Variants in NAV3 observed in about 807,000 individuals in gnomAD.
NAV3 encodes pore membrane and/or filament interacting like protein 1.
Under a neutral mutation model 244.7 loss-of-function variants are expected in NAV3, and 87 were observed. The observed-to-expected ratio is 0.36, with a 90% CI of 0.30 to 0.42. The LOEUF is 0.42. Among genes scored for constraint, NAV3 ranks in the 20% least tolerant of loss-of-function variants. The pLI, the probability that NAV3 is intolerant of heterozygous loss-of-function variation, is 1.00. For synonymous variants in NAV3, 1,126 were observed against 1,042.2 expected, an observed-to-expected ratio of 1.08 and a Z score of -1.55; for missense variants, 2,663 against 2,893.3, an observed-to-expected ratio of 0.92 and a Z score of 1.83.
chr12:77,807,141 T>A (rs879220685), intron 2 of NAV3, among the ~76,000 whole-genome samples: 1 of 152,246 alleles, frequency 6.6e-6, no homozygotes, highest in Admixed American at 6.5e-5. Context: ...TTTGCCAGTC[T>A]GTGTCTGTTA....
At position 78,176,711 on chromosome 12, in the gene NAV3, A is replaced by G. The variant is rs946871940; in HGVS notation, c.5124+252A>G. 4.1e-4 allele frequency among the ~76,000 whole-genome samples: 63 copies of G among 152,118 alleles called. 1 individual carries two copies. The highest frequency in any genetic ancestry group is 1.6e-4 in the Non-Finnish European group (11 of 68,012). On this transcript the variant is annotated intron_variant, in intron 26 of 39. Transcript: ENST00000397909. The stretch of plus-strand genomic sequence containing the variant: ...TGGAAAATTTGAATAGAAAAATCAC[A>G]ATTAATGAAGTGTTAGGTGAATTTG...
intron 24 of NAV3, among the ~76,000 whole-genome samples, chr12:78,174,115 G>A (rs929455572): frequency 5.3e-5 from 8 of 151,636 alleles, no homozygotes; most frequent in African/African-American, 1.9e-4. Flanking sequence ...CTGCCTTGAT[G>A]CCAATAAGTA....
Position 77,834,672 on chromosome 12 carries a change from G to T in NAV3, c.243+2968G>T, listed in dbSNP as rs1017899344. ...CACTGTTTTCAATATAATTTTGGTT[G>T]ATCTCTTTGGTTAGCAAACATATTA... On this transcript the variant is annotated intron_variant, in intron 1 of 39. Transcript: ENST00000397909. 3.3e-5 allele frequency among the ~76,000 whole-genome samples: 5 copies of T among 152,254 alleles called. No individual in the cohort carries two copies. The East Asian group carries it at 9.7e-4, about 29-fold the overall frequency.
chr12:77,667,096 A>T (rs917702982), intron 2 of NAV3, among the ~76,000 whole-genome samples: 1 of 152,162 alleles, frequency 6.6e-6, no homozygotes, highest in Non-Finnish European at 1.5e-5. Flanking sequence ...GAATGCAAAA[A>T]CTTTTGCAGG....
chr12:77,798,480 T>A (rs560169421), intron 2 of NAV3, among the ~76,000 whole-genome samples: 1 of 152,282 alleles, frequency 6.6e-6, no homozygotes, highest in East Asian at 1.9e-4. Flanking sequence ...GAAGAGTATT[T>A]GATTTAATAG....
rs560350602 is a variant in NAV3 at position 77,851,015 on chromosome 12, A to C, written c.243+19311A>C. On this transcript the variant is annotated intron_variant, in intron 1 of 39. Transcript: ENST00000397909. ...GGGACACATAAGAACTTTTGGATTC[A>C]TAGACATCGGATACGCTGTCTCAAG... 1.4e-4 allele frequency among the ~76,000 whole-genome samples: 21 copies of C among 152,330 alleles called. No homozygotes were observed. In the South Asian group the frequency reaches 4.3e-3, roughly 32 times the overall value.
chr12:78,019,483 G>A (rs1406312914), intron 8 of NAV3, among the ~76,000 whole-genome samples: 1 of 152,108 alleles, frequency 6.6e-6, no homozygotes, highest in African/African-American at 2.4e-5. Flanking sequence ...CATATCACAA[G>A]AGTATGAAGT....
chr12:77,949,542 CT>C (rs776143694), intron 3 of NAV3, among the ~76,000 whole-genome samples: 3 of 151,840 alleles, frequency 2.0e-5, no homozygotes, highest in East Asian at 1.9e-4. Flanking sequence ...TTAAAAACTA[CT>C]TTTTTTATAG....
At position 77,824,658 on chromosome 12, in the gene NAV3, C is replaced by T. The variant is rs142015606; in HGVS notation, c.73-115661C>T. Reference sequence around the variant, plus strand: ...CTGTAATCCCAGCACTTTGGGAGGCCGAGGAAGGTGGATTACCTGAAGTCA... The same window carrying T: ...CTGTAATCCCAGCACTTTGGGAGGCTGAGGAAGGTGGATTACCTGAAGTCA... On this transcript the variant is annotated intron_variant, in intron 2 of 8. Coordinates refer to the NAV3 transcript ENST00000550042. 4.7e-3 allele frequency among the ~76,000 whole-genome samples: 708 copies of T among 151,866 alleles called. 4 individuals are homozygous for T. Among genetic ancestry groups the T allele is most frequent in the African/African-American group, 0.016 (683 of 41,410 alleles).
At position 77,623,822 on chromosome 12, in the gene NAV3, T is replaced by C. The variant is rs538817360; in HGVS notation, c.72+51556T>C. On this transcript the variant is annotated intron_variant, in intron 2 of 8. Coordinates refer to the NAV3 transcript ENST00000550042. ...GGAGAATTATAGATGAAAGAATCTGTAAAAAACTGCAGAGCATGAATTTAA... is the reference window on the plus strand; with the variant it reads ...GGAGAATTATAGATGAAAGAATCTGCAAAAAACTGCAGAGCATGAATTTAA... Among the ~76,000 whole-genome samples the C allele has an allele frequency of 1.6e-3, 247 of 152,272 alleles. 2 individuals carry two copies. The highest frequency in any genetic ancestry group is 5.6e-3 in the African/African-American group (232 of 41,544).
intron 24 of NAV3, among the ~76,000 whole-genome samples, chr12:78,172,769 A>G (rs1958057858): frequency 6.6e-6 from 1 of 151,636 alleles, no homozygotes; most frequent in Admixed American, 6.6e-5. Flanking sequence ...AATAAGAAGA[A>G]CACGGTTGAT....
At chr12:78,068,988 T>A (rs953249122) in intron 12 of NAV3, among the ~76,000 whole-genome samples, 28 of 151,726 alleles carry the variant, frequency 1.8e-4, no homozygotes, top group Non-Finnish European at 2.8e-4. Flanking sequence ...TTTTTTTTTT[T>A]AATAGGCTAA....
chr12:77,911,490 A>G (rs1886583317), intron 1 of NAV3, among the ~76,000 whole-genome samples: 1 of 152,138 alleles, frequency 6.6e-6, no homozygotes, highest in Non-Finnish European at 1.5e-5. Flanking sequence ...ATTTTGGTTT[A>G]TTGTCAATGC....
intron 1 of NAV3, among the ~76,000 whole-genome samples, chr12:77,855,603 T>C (rs1194239999): frequency 2.0e-5 from 3 of 152,218 alleles, no homozygotes; most frequent in Non-Finnish European, 4.4e-5. Context: ...GGAATTTACT[T>C]TGAGCAATAG....
At chr12:77,983,549 G>A (rs952743047) in intron 5 of NAV3, among the ~76,000 whole-genome samples, 13 of 152,210 alleles carry the variant, frequency 8.5e-5, no homozygotes, top group South Asian at 2.1e-4. Context: ...ATGTGGCTCC[G>A]GAGCCTAGGA....
chr12:78,056,898 C>T (rs566571398), intron 11 of NAV3, among the ~76,000 whole-genome samples: 17 of 152,228 alleles, frequency 1.1e-4, no homozygotes, highest in South Asian at 2.1e-4. Flanking sequence ...CCACGAAGAA[C>T]GTCATGAAGT....
chr12:77,732,681 G>A (rs1877175348), intron 2 of NAV3, among the ~76,000 whole-genome samples: 1 of 151,954 alleles, frequency 6.6e-6, no homozygotes, highest in South Asian at 2.1e-4. Flanking sequence ...GTAACAATGA[G>A]GCACATATAG....
Position 77,961,697 on chromosome 12 carries a change from A to G in NAV3, c.415-4532A>G, listed in dbSNP as rs1028354392. Among the ~76,000 whole-genome samples, 9 of 147,706 alleles carry G rather than the reference A, an allele frequency of 6.1e-5. No individual in the cohort carries two copies. The East Asian group carries it at 9.8e-4, about 16-fold the overall frequency. Reference sequence around the variant, plus strand: ...ATGTAATATATGTAATATATGTTATATAATATAAGTAATGTATGTTACATA... The same window carrying G: ...ATGTAATATATGTAATATATGTTATGTAATATAAGTAATGTATGTTACATA... On this transcript the variant is annotated intron_variant, in intron 3 of 39. Coordinates refer to ENST00000397909, the MANE Select transcript of NAV3 (RefSeq NM_001024383.2).
At chr12:77,972,610 C>CTCTCCAAAAA (rs1156861607) in intron 5 of NAV3, among the ~76,000 whole-genome samples, 1 of 151,726 alleles carries the variant, frequency 6.6e-6, no homozygotes, top group Non-Finnish European at 1.5e-5. Flanking sequence ...GATAAAAATT[C>CTCTCCAAAAA]TCCTCTCCAG....
Sources: allele counts gnomAD v4.1 joint callset (sites outside exome capture counted in the v4.1 genomes callset), GRCh38; gene constraint gnomAD v4.1.1; transcripts MANE v1.5; gene names NCBI Gene and HGNC (gene_info 2026-07-23, HGNC 2026-07-21).